Variants in RPS6KC1 observed in about 807,000 individuals in gnomAD.
RPS6KC1 encodes inactive ribosomal protein S6 kinase delta-1.
A neutral mutation model predicts 103.8 loss-of-function variants in RPS6KC1; 54 were observed. The observed-to-expected ratio is 0.52, with a 90% CI of 0.42 to 0.65. The LOEUF (loss-of-function observed/expected upper bound fraction) is 0.65, where lower values mean the gene tolerates loss of function less well. Among genes scored for constraint, RPS6KC1 ranks in the 30% least tolerant of loss-of-function variants. The pLI is 0.00. For synonymous variants in RPS6KC1, 439 were observed against 438.7 expected, an observed-to-expected ratio of 1.00 and a Z score of -0.01; for missense variants, 1,151 against 1,253.8, an observed-to-expected ratio of 0.92 and a Z score of 1.24.
At chr1:213,633,390 T>C in the RPS6KC1 span, among the ~76,000 whole-genome samples, 1 of 152,172 alleles carries the variant, frequency 6.6e-6, no homozygotes. Context: ...TCAGGGCCAA[T>C]ACTCAACATT....
chr1:213,334,716 G>A, the RPS6KC1 span, among the ~76,000 whole-genome samples: 1 of 152,172 alleles, frequency 6.6e-6, no homozygotes, highest in South Asian at 2.1e-4. Flanking sequence ...CTTATTAACT[G>A]TACAATAAAT....
chr1:213,485,298 T>A, the RPS6KC1 span, among the ~76,000 whole-genome samples: 1 of 152,216 alleles, frequency 6.6e-6, no homozygotes, highest in Non-Finnish European at 1.5e-5. Flanking sequence ...GTGGGATTTA[T>A]CTACCAACTC....
chr1:213,652,919 A>G, the RPS6KC1 span, among the ~76,000 whole-genome samples: 1 of 152,226 alleles, frequency 6.6e-6, no homozygotes, highest in Non-Finnish European at 1.5e-5. Flanking sequence ...AGTTTTGAGA[A>G]GGTTTGTCAT....
the RPS6KC1 span, among the ~76,000 whole-genome samples, chr1:213,834,162 C>T: frequency 5.4e-3 from 827 of 152,224 alleles, 3 homozygotes; most frequent in Non-Finnish European, 1.0e-2. Flanking sequence ...ACTTCAGCCT[C>T]CCAAGTAGCT....
chr1:213,325,569 C>G, the RPS6KC1 span, among the ~76,000 whole-genome samples: 2 of 152,216 alleles, frequency 1.3e-5, no homozygotes, highest in South Asian at 2.1e-4. Context: ...CCCTTGCCCC[C>G]GGAGATGTTG....
chr1:213,156,055 C>G (rs939718222), intron 6 of RPS6KC1, among the ~76,000 whole-genome samples: 4 of 152,180 alleles, frequency 2.6e-5, no homozygotes, highest in Non-Finnish European at 5.9e-5. Flanking sequence ...ATTAATCAAT[C>G]TAATCCTACC....
chr1:213,782,232 C>A, the RPS6KC1 span, among the ~76,000 whole-genome samples: 1 of 152,256 alleles, frequency 6.6e-6, no homozygotes, highest in East Asian at 1.9e-4. Flanking sequence ...AAAGGATGGA[C>A]TAGGCACACT....
chr1:213,151,294 C>T (rs1188184704), intron 6 of RPS6KC1, among the ~76,000 whole-genome samples: 13 of 107,320 alleles, frequency 1.2e-4, no homozygotes, highest in Non-Finnish European at 2.3e-4. Flanking sequence ...TAGGGGCGGC[C>T]GGGCAGAGGC....
At chr1:213,698,242 C>T in the RPS6KC1 span, among the ~76,000 whole-genome samples, 1 of 152,210 alleles carries the variant, frequency 6.6e-6, no homozygotes, top group East Asian at 1.9e-4. Context: ...TTAATGCTCA[C>T]AGCATGTCAT....
chr1:213,491,538 A>C, the RPS6KC1 span, among the ~76,000 whole-genome samples: 4 of 151,542 alleles, frequency 2.6e-5, no homozygotes, highest in African/African-American at 9.8e-5. Flanking sequence ...ACAGATCAAG[A>C]CTGTGCCAAA....
chr1:213,732,336 T>C, the RPS6KC1 span, among the ~76,000 whole-genome samples: 1 of 123,462 alleles, frequency 8.1e-6, no homozygotes, highest in Non-Finnish European at 1.7e-5. Flanking sequence ...GCCTGAATGG[T>C]ATGTATGTAT....
At chr1:213,056,855 CTTTTT>C (rs75002124) in intron 1 of RPS6KC1, among the ~76,000 whole-genome samples, 1 of 129,164 alleles carries the variant, frequency 7.7e-6, no homozygotes, top group Non-Finnish European at 1.7e-5. Context: ...TTCCGGGAAG[CTTTTT>C]TTTTTTTTTT....
At chr1:213,812,265 C>T in the RPS6KC1 span, among the ~76,000 whole-genome samples, 1 of 152,108 alleles carries the variant, frequency 6.6e-6, no homozygotes, top group African/African-American at 2.4e-5. Context: ...AGACAGGCTT[C>T]ATACGTTCAA....
At chr1:213,519,180 C>T in the RPS6KC1 span, among the ~76,000 whole-genome samples, 84 of 152,258 alleles carry the variant, frequency 5.5e-4, no homozygotes, top group African/African-American at 2.0e-3. Context: ...CTGCAGTCAA[C>T]AAGACTCATC....
chr1:213,300,612 T>C, the RPS6KC1 span, among the ~76,000 whole-genome samples: 1 of 152,162 alleles, frequency 6.6e-6, no homozygotes, highest in Non-Finnish European at 1.5e-5. Context: ...GAAGTCTGTC[T>C]TTGGTAGGCT....
chr1:213,743,343 A>G, the RPS6KC1 span, among the ~76,000 whole-genome samples: 1 of 152,180 alleles, frequency 6.6e-6, no homozygotes, highest in Non-Finnish European at 1.5e-5. Flanking sequence ...TTGAACAACT[A>G]CAGACATAAA....
At chr1:213,084,799 G>A (rs995734867) in intron 3 of RPS6KC1, among the ~76,000 whole-genome samples, 3 of 152,068 alleles carry the variant, frequency 2.0e-5, no homozygotes, top group African/African-American at 2.4e-5. Context: ...TAAAGAGAAC[G>A]ATTCTCATTT....
intron 8 of RPS6KC1, among the ~76,000 whole-genome samples, chr1:213,212,767 T>G (rs1353707566): frequency 6.6e-6 from 1 of 152,244 alleles, no homozygotes; most frequent in Non-Finnish European, 1.5e-5. Context: ...TGTTCGGGAT[T>G]TTGGCAATTC....
At chr1:213,616,464 G>A in the RPS6KC1 span, among the ~76,000 whole-genome samples, 2 of 152,192 alleles carry the variant, frequency 1.3e-5, no homozygotes, top group Non-Finnish European at 2.9e-5. Context: ...GGAGGTCGAA[G>A]AAGTTGCTGG....
Sources: gnomAD v4.1 joint callset for allele counts (sites outside exome capture counted in the v4.1 genomes callset) on GRCh38, gnomAD v4.1.1 for gene constraint, MANE v1.5 for transcripts, NCBI Gene and HGNC (gene_info 2026-07-23, HGNC 2026-07-21) for gene names.